The following ANKS1B variants were observed in gnomAD, a reference collection of about 807,000 sequenced individuals.
ANKS1B encodes the protein ankyrin repeat and sterile alpha motif domain containing 1B, also known as ankyrin repeat and sterile alpha motif domain-containing protein 1B.
ANKS1B carries 36 observed loss-of-function variants against 148.3 expected under a neutral mutation model. The ratio of observed to expected loss-of-function variants is 0.24; its 90% CI spans 0.19 to 0.32. The LOEUF (loss-of-function observed/expected upper bound fraction) is 0.32. Among genes scored for constraint, ANKS1B ranks in the 10% least tolerant of loss-of-function variants. The pLI is 1.00. For synonymous variants in ANKS1B, 542 were observed against 560.8 expected (o/e 0.97, Z 0.47); for missense variants, 1,157 against 1,542.6 (o/e 0.75, Z 4.19).
At chr12:99,780,116 CAT>C (rs2064101029) in intron 5 of ANKS1B, 144 bp from the exon 6 acceptor site, 1 of 622,300 alleles carries the variant, frequency 1.6e-6, no homozygotes, top group Non-Finnish European at 2.8e-6. Flanking sequence ...TACACACACA[CAT>C]ACACACACAC....
In ANKS1B at chr12:99,241,220, C is replaced by T. The variant is rs928203027; in HGVS notation, c.2419+3122G>A. On this transcript the variant is annotated intron_variant, in intron 14 of 26. Transcript: ENST00000683438. ...ATAAAAAATGATAAAGGGGATATCACCACCAATCCCACAGAAATACAAACT... is the reference window on the plus strand; with the variant it reads ...ATAAAAAATGATAAAGGGGATATCATCACCAATCCCACAGAAATACAAACT... Among the ~76,000 whole-genome samples the T allele has an allele frequency of 2.6e-5, 4 of 152,112 alleles. No individual in the cohort carries two copies. In the East Asian group the frequency reaches 7.7e-4, roughly 29 times the overall value.
intron 8 of ANKS1B, among the ~76,000 whole-genome samples, chr12:99,694,905 G>A (rs1461075245): frequency 6.6e-6 from 1 of 152,066 alleles, no homozygotes; most frequent in African/African-American, 2.4e-5. Flanking sequence ...AAGTACAGTG[G>A]AACAGCTTTC....
chr12:99,670,459 T>TA (rs1404177361), intron 8 of ANKS1B, among the ~76,000 whole-genome samples: 1 of 152,056 alleles, frequency 6.6e-6, no homozygotes, highest in Non-Finnish European at 1.5e-5. Flanking sequence ...TTAACTTAAT[T>TA]AAAAAATTAT....
chr12:99,311,178 T>C (rs2083109440), intron 12 of ANKS1B, among the ~76,000 whole-genome samples: 1 of 152,162 alleles, frequency 6.6e-6, no homozygotes, highest in Non-Finnish European at 1.5e-5. Context: ...CTTAAGCAAA[T>C]AGAATTTACT....
Position 99,386,843 on chromosome 12 carries a change from T to C in ANKS1B, c.1756+12788A>G, listed in dbSNP as rs548943301. Among the ~76,000 whole-genome samples, 4 of 152,354 alleles carry C rather than the reference T, an allele frequency of 2.6e-5. No individual in the cohort carries two copies. In the East Asian group the frequency reaches 7.7e-4, roughly 29 times the overall value. ...AAATAACGAATGAAAGGTAGGCTCA[T>C]GCTTCCGAAGAAAGCAATGTAGTTC... On this transcript the variant is annotated intron_variant, in intron 12 of 26. Coordinates refer to ENST00000683438, the MANE Select transcript of ANKS1B (RefSeq NM_001352186.2).
chr12:99,784,366 G>C (rs754057843), intron 4 of ANKS1B, among the ~76,000 whole-genome samples: 128 of 152,058 alleles, frequency 8.4e-4, no homozygotes, highest in Non-Finnish European at 1.4e-3. Context: ...TAGAGATGGG[G>C]TTTCATCATG....
At chr12:99,811,274 G>A (rs896860267) in intron 3 of ANKS1B, among the ~76,000 whole-genome samples, 3 of 151,816 alleles carry the variant, frequency 2.0e-5, no homozygotes, top group South Asian at 2.1e-4. Context: ...TATGCTAATT[G>A]TGCTTTATTA....
At position 99,984,863 on chromosome 12, in the gene ANKS1B, A is replaced by T. The variant is rs1453235661; in HGVS notation, c.-626T>A. On this transcript the variant is annotated 5_prime_UTR_variant, in exon 1 of 27. Coordinates refer to ENST00000683438, the MANE Select transcript of ANKS1B (RefSeq NM_001352186.2). Reference sequence around the variant, plus strand: ...CGTGCCGAGGGCGGCGGCGGCGGCGAGGCCTGGCGCGCGGGGGGCGTGTGC... The same window carrying T: ...CGTGCCGAGGGCGGCGGCGGCGGCGTGGCCTGGCGCGCGGGGGGCGTGTGC... 4.1e-5 allele frequency among the ~76,000 whole-genome samples: 6 copies of T among 146,826 alleles called. No homozygotes were observed. The East Asian group carries it at 9.8e-4, about 24-fold the overall frequency.
intron 8 of ANKS1B, among the ~76,000 whole-genome samples, chr12:99,660,661 C>T (rs1337505691): frequency 2.0e-5 from 3 of 152,114 alleles, no homozygotes; most frequent in Non-Finnish European, 4.4e-5. Flanking sequence ...CCGTGCCTGG[C>T]CTAAACTTTC....
chr12:98,989,814 G>T (rs1194916133), intron 17 of ANKS1B, among the ~76,000 whole-genome samples: 1 of 151,874 alleles, frequency 6.6e-6, no homozygotes, highest in Non-Finnish European at 1.5e-5. Context: ...GATCCTTTGA[G>T]CCCAGGAGTT....
chr12:99,270,661 A>G (rs1041436159), intron 12 of ANKS1B, among the ~76,000 whole-genome samples: 6 of 152,106 alleles, frequency 3.9e-5, no homozygotes, highest in African/African-American at 1.4e-4. Context: ...GGTTTCCTTA[A>G]TATCAGCCTC....
At chr12:99,713,499 T>TGGATTTCCAAGCAAATTTCCTC (rs1726762613) in intron 8 of ANKS1B, among the ~76,000 whole-genome samples, 1 of 152,110 alleles carries the variant, frequency 6.6e-6, no homozygotes, top group African/African-American at 2.4e-5. Flanking sequence ...ACAGTTTGCT[T>TGGATTTCCAAGCAAATTTCCTC]GGATTTCCAA....
At chr12:99,509,609 C>T (rs985695643) in intron 9 of ANKS1B, among the ~76,000 whole-genome samples, 17 of 151,930 alleles carry the variant, frequency 1.1e-4, no homozygotes, top group African/African-American at 4.1e-4. Flanking sequence ...TTGAAGCTGG[C>T]TGTGGTTAGT....
At chr12:99,328,668 AATAT>A (rs1299589473) in intron 12 of ANKS1B, among the ~76,000 whole-genome samples, 1 of 152,030 alleles carries the variant, frequency 6.6e-6, no homozygotes, top group East Asian at 1.9e-4. Flanking sequence ...GAAATATAAA[AATAT>A]ATCCAACATC....
At position 99,753,417 on chromosome 12, in the gene ANKS1B, G is replaced by A. The variant is rs1016599611; in HGVS notation, c.1128+19505C>T. 6.6e-5 allele frequency among the ~76,000 whole-genome samples: 10 copies of A among 152,040 alleles called. No individual in the cohort carries two copies. The East Asian group carries it at 1.4e-3, about 21-fold the overall frequency. On this transcript the variant is annotated intron_variant, in intron 8 of 26. Transcript: ENST00000683438. The stretch of plus-strand genomic sequence containing the variant: ...GATAAGGAGGGGTAGTAACAGAATC[G>A]GAAGATCTTGACATTCTTGAACTCC...
chr12:98,968,236 C>T (rs1409071153), intron 17 of ANKS1B, among the ~76,000 whole-genome samples: 1 of 151,934 alleles, frequency 6.6e-6, no homozygotes, highest in African/African-American at 2.4e-5. Context: ...AACAAAAAAC[C>T]CCACTACTGC....
chr12:99,648,170 A>C (rs918777996), intron 9 of ANKS1B: 1 of 1,607,478 alleles, frequency 6.2e-7, no homozygotes, highest in Non-Finnish European at 8.5e-7. Context: ...GATTTAAAGG[A>C]AGACATGGAG....
At chr12:98,774,117 C>A (rs990290711) in intron 24 of ANKS1B, among the ~76,000 whole-genome samples, 1 of 152,158 alleles carries the variant, frequency 6.6e-6, no homozygotes, top group Admixed American at 6.5e-5. Context: ...GGCCCTGTGG[C>A]TATATTAACA....
At chr12:99,968,175 C>G (rs1027549516) in intron 1 of ANKS1B, among the ~76,000 whole-genome samples, 1 of 152,140 alleles carries the variant, frequency 6.6e-6, no homozygotes, top group Non-Finnish European at 1.5e-5. Context: ...CAGCCTAACA[C>G]TAGAGTTGAC....
Sources: gnomAD v4.1 joint callset for allele counts (sites outside exome capture counted in the v4.1 genomes callset) on GRCh38, gnomAD v4.1.1 for gene constraint, MANE v1.5 for transcripts, NCBI Gene and HGNC (gene_info 2026-07-23, HGNC 2026-07-21) for gene names.